Variants in ME2 observed in about 807,000 individuals in gnomAD.
ME2 encodes the protein NAD-dependent malic enzyme, mitochondrial.
A neutral mutation model predicts 73.7 loss-of-function variants in ME2; 60 were observed. That is an observed-to-expected ratio of 0.81 (90% CI 0.66 to 1.01). The LOEUF (loss-of-function observed/expected upper bound fraction) is 1.01. ME2 is among the 50% of genes least tolerant of loss of function. The pLI, the probability that ME2 is intolerant of heterozygous loss-of-function variation, is 0.00. For missense variants in ME2, 594 were observed against 705.5 expected (o/e 0.84, Z 1.79); for synonymous variants, 199 against 236.9 (o/e 0.84, Z 1.47).
rs1918245571 is a variant in ME2, at chr18:50,952,475, GT to G, written c.*5293del. 1 of 152,152 alleles carries G rather than the reference GT, an allele frequency of 6.6e-6. No homozygotes were observed. The highest frequency in any genetic ancestry group is 6.5e-5 in the Admixed American group (1 of 15,268). The allele number at this position is 152,152 out of a possible 1,614,324, so 9.4% of individuals were successfully genotyped here. On this transcript the variant is annotated 3_prime_UTR_variant, in exon 16 of 16. Transcript: ENST00000321341. The stretch of plus-strand genomic sequence containing the variant: ...AATATGGAAATATGTTCATAGTTCA[GT>G]TGCATAAAATAGACACATTAAGTCA...
At position 50,920,476 on chromosome 18, in the gene ME2, T is replaced by C; in HGVS notation, c.755T>C (p.Ile252Thr). ...ITDRYGRNTL[I>T]QFEDFGNHNA... ...TTTAGATATGGCCGGAACACACTCATTCAGTTCGAAGACTTTGGAAATCAT... is the reference window on the plus strand; with the variant it reads ...TTTAGATATGGCCGGAACACACTCACTCAGTTCGAAGACTTTGGAAATCAT... The change falls in exon 8 of 16, where the codon ATT becomes ACT. Residue 252 changes from isoleucine (I) to threonine (T), a missense_variant. Coordinates refer to ENST00000321341, the MANE Select transcript of ME2 (RefSeq NM_002396.5). 6.3e-7 allele frequency: 1 copy of C among 1,599,188 alleles called. No individual in the cohort carries two copies. The highest frequency in any genetic ancestry group is 2.2e-5 in the East Asian group (1 of 44,792).
intron 7 of ME2, among the ~76,000 whole-genome samples, chr18:50,919,272 T>C (rs1917363973): frequency 6.6e-6 from 1 of 152,230 alleles, no homozygotes; most frequent in African/African-American, 2.4e-5. Context: ...GCTTGAAATC[T>C]CTGATTGGTT....
intron 1 of ME2, among the ~76,000 whole-genome samples, chr18:50,893,175 C>T (rs1916650035): frequency 7.3e-6 from 1 of 137,236 alleles, no homozygotes; most frequent in Non-Finnish European, 1.6e-5. Context: ...TGCTTCAATA[C>T]TTATTATAAA....
intron 5 of ME2, chr18:50,916,823 G>A (rs1371269152): frequency 1.3e-5 from 2 of 152,212 alleles, no homozygotes; most frequent in African/African-American, 4.8e-5. Flanking sequence ...AACATTGAAT[G>A]ATCGTTGGTT....
rs1301758475 is a variant in ME2 at position 50,916,015 on chromosome 18, G to T, written c.393-153G>T. 4 of 573,936 alleles carry T rather than the reference G, an allele frequency of 7.0e-6. No homozygotes were observed. The East Asian group carries it at 1.2e-4, about 17-fold the overall frequency. The allele number at this position is 573,936 out of a possible 1,614,324, so 35.6% of individuals were successfully genotyped here. On this transcript the variant is annotated intron_variant, in intron 4 of 15. Coordinates refer to ENST00000321341, the MANE Select transcript of ME2 (RefSeq NM_002396.5). ...ATTACAGTTTGAAGTACTTGAAAAT[G>T]TTTGAAAATAAACCAGTGTGACTTA... is the stretch of plus-strand genomic sequence containing the variant.
intron 2 of ME2, among the ~76,000 whole-genome samples, chr18:50,904,939 A>G (rs1916984808): frequency 6.6e-6 from 1 of 151,780 alleles, no homozygotes; most frequent in South Asian, 2.1e-4. Context: ...CTCAAACTTC[A>G]TTATGCATAT....
chr18:50,937,210 A>G (rs1917838675), intron 13 of ME2, among the ~76,000 whole-genome samples: 1 of 152,166 alleles, frequency 6.6e-6, no homozygotes. Flanking sequence ...TTAAATCTAA[A>G]TGGACCACAT....
intron 13 of ME2, chr18:50,934,828 A>G (rs1455912949): frequency 6.6e-6 from 1 of 152,180 alleles, no homozygotes; most frequent in African/African-American, 2.4e-5. Context: ...GGTCAAAGGG[A>G]TAAGATATTG....
At position 50,951,894 on chromosome 18, in the gene ME2, A is replaced by C. The variant is rs1918234636; in HGVS notation, c.*4710A>C. The C allele has an allele frequency of 7.6e-6, 1 of 130,886 alleles. No homozygotes were observed. The highest frequency in any genetic ancestry group is 1.7e-5 in the Non-Finnish European group (1 of 60,566). The allele number at this position is 130,886 out of a possible 1,614,324, so 8.1% of individuals were successfully genotyped here. On this transcript the variant is annotated 3_prime_UTR_variant, in exon 16 of 16. Coordinates refer to ENST00000321341, the MANE Select transcript of ME2 (RefSeq NM_002396.5). The stretch of plus-strand genomic sequence containing the variant: ...AAAAAAAAAAAAAAAAAAAAAAAAA[A>C]AAAAAAAAATCTCCAGGGTTCTGTT...
intron 12 of ME2, among the ~76,000 whole-genome samples, chr18:50,926,405 C>T (rs1917554603): frequency 6.6e-6 from 1 of 152,092 alleles, no homozygotes; most frequent in Non-Finnish European, 1.5e-5. Flanking sequence ...TTACTGTTTT[C>T]TGACTTTTGT....
At chr18:50,903,172 G>A (rs1916931760) in intron 2 of ME2, among the ~76,000 whole-genome samples, 2 of 152,026 alleles carry the variant, frequency 1.3e-5, no homozygotes, top group Admixed American at 1.3e-4. Flanking sequence ...GTAGATAAGA[G>A]GATGATCATT....
At chr18:50,896,156 T>G (rs1053764450) in intron 2 of ME2, among the ~76,000 whole-genome samples, 1 of 152,172 alleles carries the variant, frequency 6.6e-6, no homozygotes, top group African/African-American at 2.4e-5. Flanking sequence ...TGACTTTGAT[T>G]CCTAGTTCTA....
At position 50,953,972 on chromosome 18, in the gene ME2, T is replaced by A. The variant is rs1013469604; in HGVS notation, c.*6788T>A. ...TTGTTAACATACCAAGCACTAATTA[T>A]TGACTTCAAGGAAGCCACGTATTGC... On this transcript the variant is annotated 3_prime_UTR_variant, in exon 16 of 16. Transcript: ENST00000321341. The A allele has an allele frequency of 1.3e-5, 2 of 152,354 alleles. No homozygotes were observed. The highest frequency in any genetic ancestry group is 2.4e-5 in the African/African-American group (1 of 41,590). 9.4% of individuals were successfully genotyped at this position (152,354 alleles called of 1,614,324 possible).
chr18:50,925,086 T>G (rs2144245018), intron 11 of ME2, among the ~76,000 whole-genome samples: 1 of 152,338 alleles, frequency 6.6e-6, no homozygotes, highest in Middle Eastern at 3.4e-3. Flanking sequence ...ATTTTTCTCT[T>G]TGTGACTGGC....
Position 50,895,781 on chromosome 18 carries a change from A to G in ME2, c.-12-28A>G, listed in dbSNP as rs376685308. On this transcript the variant is annotated intron_variant, in intron 1 of 15. Transcript: ENST00000321341. ...GAAGGCCTATAATATGATTCTCTTCAGTGGTTTATTTGCTTTGTTTTTCTC... is the reference window on the plus strand; with the variant it reads ...GAAGGCCTATAATATGATTCTCTTCGGTGGTTTATTTGCTTTGTTTTTCTC... 5.2e-5 allele frequency: 73 copies of G among 1,414,624 alleles called. No homozygotes were observed. The African/African-American group carries it at 9.9e-4, about 19-fold the overall frequency. The allele number at this position is 1,414,624 out of a possible 1,614,324, so 87.6% of individuals were successfully genotyped here. A position where few individuals can be genotyped will look rare whatever the true frequency, so the allele number is the denominator to read the frequency against.
At chr18:50,918,063 A>T in intron 6 of ME2, 47 bp from the exon 7 acceptor site, 1 of 1,275,172 alleles carries the variant, frequency 7.8e-7, no homozygotes, top group Non-Finnish European at 1.1e-6. Flanking sequence ...ATGTGTTTAA[A>T]CTGATTATAT....
Position 50,916,148 on chromosome 18 carries a change from G to C in ME2, c.393-20G>C, listed in dbSNP as rs781155418. The stretch of plus-strand genomic sequence containing the variant: ...AACAAAGCTGTTGTGAAATGCAAAG[G>C]TGTTTTTGTTCTGTTGCAGGGGATT... On this transcript the variant is annotated intron_variant, in intron 4 of 15. Coordinates refer to ENST00000321341, the MANE Select transcript of ME2 (RefSeq NM_002396.5). The C allele has an allele frequency of 7.7e-6, 12 of 1,553,274 alleles. 1 individual carries two copies. In the South Asian group the frequency reaches 1.4e-4, roughly 18 times the overall value.
chr18:50,910,852 TC>T (rs1000193565), intron 3 of ME2, among the ~76,000 whole-genome samples: 1 of 152,122 alleles, frequency 6.6e-6, no homozygotes, highest in African/African-American at 2.4e-5. Flanking sequence ...AGAGATTTGA[TC>T]CTGGGATTCA....
intron 1 of ME2, among the ~76,000 whole-genome samples, chr18:50,894,613 G>C (rs1916691065): frequency 6.7e-6 from 1 of 148,404 alleles, no homozygotes; most frequent in African/African-American, 2.5e-5. Context: ...GCTCACGCCT[G>C]TAATCCCAGC....
Sources: allele counts gnomAD v4.1 joint callset (sites outside exome capture counted in the v4.1 genomes callset), GRCh38; gene constraint gnomAD v4.1.1; transcripts MANE v1.5; gene names NCBI Gene and HGNC (gene_info 2026-07-23, HGNC 2026-07-21).